Variants in GAS2L3 observed in about 807,000 individuals in gnomAD.
GAS2L3 encodes GAS2-like protein 3.
A neutral mutation model predicts 37.0 loss-of-function variants in GAS2L3; 28 were observed. The observed-to-expected ratio is 0.76, with a 90% CI of 0.56 to 1.04. The LOEUF is 1.04. Ranked by LOEUF, GAS2L3 falls within the 50% of genes least tolerant of loss-of-function variation. The probability of loss-of-function intolerance (pLI) is 0.00; values close to 1 mark genes in which losing one functional copy is unlikely to be tolerated. For synonymous variants in GAS2L3, 290 were observed against 296.6 expected (o/e 0.98, Z 0.23); for missense variants, 793 against 817.6 (o/e 0.97, Z 0.37).
chr12:100,594,380 T>C (rs904227347), intron 2 of GAS2L3, among the ~76,000 whole-genome samples: 3 of 152,190 alleles, frequency 2.0e-5, no homozygotes, highest in African/African-American at 7.2e-5. Flanking sequence ...ACAGTTAAAA[T>C]TGATGTTTAT....
chr12:100,601,672 A>G lies in GAS2L3; in HGVS notation c.222A>G (p.Glu74=). 2.5e-6 allele frequency: 4 copies of G among 1,595,738 alleles called. No individual in the cohort carries two copies. In the South Asian group the frequency reaches 4.5e-5, roughly 18 times the overall value. Residue 74 remains glutamate, a synonymous_variant, in exon 5 of 10, where the codon GAA becomes GAG. Transcript: ENST00000547754. ...IKVKAEKLLE[E]LDNGVLLCQL... ...TTAAGGCAGAAAAATTATTGGAAGA[A>G]CTTGATAATGGAGTACTATTATGTC...
chr12:100,601,904 T>C (rs983978482), intron 5 of GAS2L3, 151 bp downstream of exon 5: 5 of 433,138 alleles, frequency 1.2e-5, no homozygotes, highest in African/African-American at 1.0e-4. Flanking sequence ...TGGAAAAATG[T>C]TCTCTTTCAT....
intron 2 of GAS2L3, 91 bp downstream of exon 2, chr12:100,591,947 C>T (rs1031638498): frequency 6.6e-6 from 1 of 152,072 alleles, no homozygotes; most frequent in African/African-American, 2.4e-5. Context: ...AGTTAGGAAA[C>T]ATTTAACTCA....
At chr12:100,598,623 T>G (rs1955944262) in intron 3 of GAS2L3, among the ~76,000 whole-genome samples, 1 of 152,148 alleles carries the variant, frequency 6.6e-6, no homozygotes, top group Non-Finnish European at 1.5e-5. Flanking sequence ...TTGTTAAAAT[T>G]TCAGTGTATT....
At chr12:100,596,744 A>G (rs192949375) in intron 3 of GAS2L3, among the ~76,000 whole-genome samples, 2 of 152,254 alleles carry the variant, frequency 1.3e-5, no homozygotes, top group Non-Finnish European at 2.9e-5. Flanking sequence ...CCAATGGACA[A>G]TAGTTCTTAA....
chr12:100,576,797 G>A (rs913692292), intron 1 of GAS2L3, among the ~76,000 whole-genome samples: 13 of 152,134 alleles, frequency 8.5e-5, no homozygotes, highest in African/African-American at 3.1e-4. Context: ...TCATAAGGGT[G>A]TTACAAATTT....
chr12:100,594,989 C>G, intron 3 of GAS2L3, 67 bp downstream of exon 3: 1 of 712,260 alleles, frequency 1.4e-6, no homozygotes, highest in South Asian at 2.5e-5. Flanking sequence ...TAATAATTAG[C>G]AAAGATAAAA....
intron 6 of GAS2L3, among the ~76,000 whole-genome samples, chr12:100,613,912 T>C (rs1456539348): frequency 6.6e-6 from 1 of 152,060 alleles, no homozygotes; most frequent in African/African-American, 2.4e-5. Flanking sequence ...CTATTTCTAT[T>C]GAGGGAATCA....
rs574858587 is a variant in GAS2L3 at position 100,612,565 on chromosome 12, T to C, written c.445+424T>C. ...TTACAAACAACAGCTGCCAACTTGA[T>C]TATCTAATGGATTAATATTTTTGAC... On this transcript the variant is annotated intron_variant, in intron 6 of 9. Transcript: ENST00000547754. 3.0e-5 allele frequency: 5 copies of C among 166,438 alleles called. No individual in the cohort carries two copies. The Admixed American group carries it at 3.2e-4, about 11-fold the overall frequency. The allele number at this position is 166,438 out of a possible 1,614,324, so 10.3% of individuals were successfully genotyped here. A position where few individuals can be genotyped will look rare whatever the true frequency, so the allele number is the denominator to read the frequency against.
At chr12:100,585,314 G>C (rs1955766582) in intron 1 of GAS2L3, among the ~76,000 whole-genome samples, 1 of 151,356 alleles carries the variant, frequency 6.6e-6, no homozygotes. Context: ...GGAGTGCAGT[G>C]TAGCAATCTT....
intron 8 of GAS2L3, among the ~76,000 whole-genome samples, chr12:100,621,664 TAGTTTAG>T (rs1458656982): frequency 1.3e-5 from 2 of 152,022 alleles, no homozygotes; most frequent in East Asian, 3.9e-4. Flanking sequence ...CCCAAAATAT[TAGTTTAG>T]TACACTTTTA....
At chr12:100,581,028 A>AT (rs1358596196) in intron 1 of GAS2L3, among the ~76,000 whole-genome samples, 3 of 152,114 alleles carry the variant, frequency 2.0e-5, no homozygotes, top group Non-Finnish European at 4.4e-5. Context: ...TGATGAAGAT[A>AT]TTTTTTGCTT....
rs1235895520 is a variant in GAS2L3 at position 100,626,348 on chromosome 12, A to G, written c.*1458A>G. The G allele has an allele frequency of 6.6e-6, 1 of 152,142 alleles. No individual in the cohort carries two copies. Among genetic ancestry groups the G allele is most frequent in the Non-Finnish European group, 1.5e-5 (1 of 68,042 alleles). The allele number at this position is 152,142 out of a possible 1,614,324, so 9.4% of individuals were successfully genotyped here. ...TGAAGATAAATGACCTTTTGCCTGA[A>G]GAGTACAGATAAAATCAAAGATGTG... On this transcript the variant is annotated 3_prime_UTR_variant, in exon 10 of 10. Coordinates refer to ENST00000547754, the MANE Select transcript of GAS2L3 (RefSeq NM_174942.3).
intron 3 of GAS2L3, among the ~76,000 whole-genome samples, chr12:100,595,263 C>T (rs1375334408): frequency 6.6e-6 from 1 of 151,852 alleles, no homozygotes; most frequent in Non-Finnish European, 1.5e-5. Flanking sequence ...GTTTTCCCCT[C>T]ATTACAATTT....
chr12:100,621,781 A>G (rs925470295), intron 8 of GAS2L3, among the ~76,000 whole-genome samples: 6 of 151,212 alleles, frequency 4.0e-5, no homozygotes, highest in African/African-American at 1.2e-4. Context: ...CAAGCTTAAT[A>G]ACGAACTCAT....
Position 100,624,155 on chromosome 12 carries a change from G to C in GAS2L3, c.1350G>C (p.Gln450His), listed in dbSNP as rs776600185. The C allele has an allele frequency of 6.2e-7, 1 of 1,611,962 alleles. No individual in the cohort carries two copies. The highest frequency in any genetic ancestry group is 1.1e-5 in the South Asian group (1 of 90,990). The change falls in exon 10 of 10, where the codon CAG becomes CAC. Residue 450 changes from glutamine to histidine, a missense_variant. Coordinates refer to ENST00000547754, the MANE Select transcript of GAS2L3 (RefSeq NM_174942.3). ...NTPKAKVIPA[Q>H]NSADLPESTL... ...CCAAGGCCAAGGTTATTCCAGCCCA[G>C]AATTCAGCAGATCTGCCCGAGTCCA...
intron 7 of GAS2L3, 119 bp downstream of exon 7, chr12:100,617,926 G>T: frequency 3.2e-6 from 2 of 625,976 alleles, no homozygotes; most frequent in Non-Finnish European, 5.5e-6. Flanking sequence ...CTATTTTCCT[G>T]TTTTATCTTT....
rs762223692 is a variant in GAS2L3 at position 100,623,994 on chromosome 12, G to C, written c.1189G>C (p.Ala397Pro). 60 of 1,613,772 alleles carry C rather than the reference G, an allele frequency of 3.7e-5. No individual in the cohort carries two copies. In the South Asian group the frequency reaches 5.9e-4, roughly 16 times the overall value. ...SSKGITKKPQ[A>P]PSNNASSSLA... Reference sequence around the variant, plus strand: ...AAAAGGCATAACGAAGAAACCGCAGGCTCCTTCAAACAATGCATCATCTTC... The same window carrying C: ...AAAAGGCATAACGAAGAAACCGCAGCCTCCTTCAAACAATGCATCATCTTC... Residue 397 changes from alanine (A) to proline (P), a missense_variant, in exon 10 of 10, where the codon GCT (alanine) becomes CCT (proline). By Grantham distance (27) the Ala-to-Pro change is conservative. Transcript: ENST00000547754.
intron 6 of GAS2L3, among the ~76,000 whole-genome samples, chr12:100,612,780 A>G (rs1300477857): frequency 6.6e-6 from 1 of 152,182 alleles, no homozygotes; most frequent in Non-Finnish European, 1.5e-5. Context: ...CATTGAATTC[A>G]TAATGTGATA....
Sources: gnomAD v4.1 joint callset for allele counts (sites outside exome capture counted in the v4.1 genomes callset) on GRCh38, gnomAD v4.1.1 for gene constraint, MANE v1.5 for transcripts, NCBI Gene and HGNC (gene_info 2026-07-23, HGNC 2026-07-21) for gene names.